Variants in ADAMTSL1 observed in about 807,000 individuals in gnomAD.
ADAMTSL1 encodes ADAMTS-like protein 1.
In ADAMTSL1, 126 loss-of-function variants were observed where a neutral mutation model predicts 201.8. That is an observed-to-expected ratio of 0.62 (90% CI 0.54 to 0.72). The LOEUF (loss-of-function observed/expected upper bound fraction) is 0.72, where lower values mean the gene tolerates loss of function less well. Among genes scored for constraint, ADAMTSL1 ranks in the 30% least tolerant of loss-of-function variants. The probability of loss-of-function intolerance (pLI) is 0.00; values close to 1 mark genes in which losing one functional copy is unlikely to be tolerated. For synonymous variants in ADAMTSL1, 1,121 were observed against 903.4 expected, an observed-to-expected ratio of 1.24 and a Z score of -4.32; for missense variants, 2,679 against 2,277.8, an observed-to-expected ratio of 1.18 and a Z score of -3.59.
intron 20 of ADAMTSL1, among the ~76,000 whole-genome samples, chr9:18,812,224 C>T (rs1823548291): frequency 6.6e-6 from 1 of 152,088 alleles, no homozygotes; most frequent in Non-Finnish European, 1.5e-5. Flanking sequence ...GGTAGAGGGA[C>T]AGACACATAG....
chr9:18,125,493 C>A (rs779497718), intron 1 of ADAMTSL1, among the ~76,000 whole-genome samples: 3 of 152,110 alleles, frequency 2.0e-5, no homozygotes, highest in Admixed American at 1.3e-4. Context: ...TCTAACAAAC[C>A]ATTACCTAAT....
chr9:17,965,568 A>C (rs1479044374), intron 1 of ADAMTSL1, among the ~76,000 whole-genome samples: 1 of 152,206 alleles, frequency 6.6e-6, no homozygotes, highest in African/African-American at 2.4e-5. Context: ...GAGACAAACC[A>C]AACCAACCAA....
rs146858054 is a variant in ADAMTSL1 at position 18,125,064 on chromosome 9, A to G, written c.88-38798A>G. Reference sequence around the variant, plus strand: ...ACAAAACAAATTTAATGAAAGTTGTATTAGTCCATTTTCACACTGCTGATA... The same window carrying G: ...ACAAAACAAATTTAATGAAAGTTGTGTTAGTCCATTTTCACACTGCTGATA... On this transcript the variant is annotated intron_variant, in intron 1 of 29. Transcript: ENST00000680146. Among the ~76,000 whole-genome samples the G allele has an allele frequency of 5.2e-3, 797 of 152,324 alleles. 8 individuals carry two copies. Among genetic ancestry groups the G allele is most frequent in the African/African-American group, 0.018 (752 of 41,578 alleles).
At chr9:18,158,496 C>T (rs1827251231) in intron 1 of ADAMTSL1, among the ~76,000 whole-genome samples, 1 of 151,878 alleles carries the variant, frequency 6.6e-6, no homozygotes, top group African/African-American at 2.4e-5. Context: ...GACATTTAAG[C>T]TCATTAGAAT....
intron 2 of ADAMTSL1, among the ~76,000 whole-genome samples, chr9:18,506,320 A>C (rs1338070134): frequency 6.6e-6 from 1 of 152,258 alleles, no homozygotes; most frequent in Non-Finnish European, 1.5e-5. Flanking sequence ...TTCATACATC[A>C]GTAAAGCCAA....
chr9:18,428,566 G>A (rs1038929048), intron 2 of ADAMTSL1, among the ~76,000 whole-genome samples: 1 of 152,068 alleles, frequency 6.6e-6, no homozygotes, highest in Non-Finnish European at 1.5e-5. Flanking sequence ...GCTACAGTGA[G>A]CTGTGATGAC....
chr9:18,866,585 A>G (rs1827553695), intron 23 of ADAMTSL1, among the ~76,000 whole-genome samples: 3 of 152,202 alleles, frequency 2.0e-5, no homozygotes, highest in Non-Finnish European at 4.4e-5. Context: ...ATGAACAGTC[A>G]TGCTTATTAG....
chr9:18,690,157 A>G (rs1172120213), intron 13 of ADAMTSL1, among the ~76,000 whole-genome samples: 4 of 152,224 alleles, frequency 2.6e-5, no homozygotes, highest in Non-Finnish European at 4.4e-5. Flanking sequence ...AGATGCATAT[A>G]GAAAAACCAA....
At chr9:17,937,210 T>C (rs1457316620) in intron 1 of ADAMTSL1, among the ~76,000 whole-genome samples, 2 of 152,202 alleles carry the variant, frequency 1.3e-5, no homozygotes, top group Non-Finnish European at 2.9e-5. Flanking sequence ...TGATGAAGGA[T>C]AATCGGAACA....
At chr9:18,313,185 A>C (rs1457896816) in intron 2 of ADAMTSL1, among the ~76,000 whole-genome samples, 1 of 152,182 alleles carries the variant, frequency 6.6e-6, no homozygotes, top group Non-Finnish European at 1.5e-5. Context: ...TGCATTTCTA[A>C]CTAGTTCTTA....
At chr9:18,843,394 C>A (rs10963799) in intron 23 of ADAMTSL1, among the ~76,000 whole-genome samples, 2 of 150,616 alleles carry the variant, frequency 1.3e-5, no homozygotes, top group South Asian at 4.1e-4. Flanking sequence ...GAGTTTCTGC[C>A]GAGAGATCCG....
At chr9:17,917,868 G>A (rs749831082) in intron 1 of ADAMTSL1, among the ~76,000 whole-genome samples, 3 of 151,874 alleles carry the variant, frequency 2.0e-5, no homozygotes, top group Non-Finnish European at 4.4e-5. Context: ...GGGGCTATTA[G>A]GGTTATCAAT....
At chr9:18,369,728 CAG>C (rs1586991946) in intron 2 of ADAMTSL1, among the ~76,000 whole-genome samples, 1 of 152,098 alleles carries the variant, frequency 6.6e-6, no homozygotes, top group South Asian at 2.1e-4. Flanking sequence ...TTCACAATAG[CAG>C]AGTCATGGAA....
chr9:18,032,321 C>G (rs1406193038), intron 1 of ADAMTSL1, among the ~76,000 whole-genome samples: 3 of 152,220 alleles, frequency 2.0e-5, no homozygotes, highest in Non-Finnish European at 4.4e-5. Flanking sequence ...GGGTAGTGTG[C>G]TCGAATCCTA....
At chr9:18,735,260 G>A (rs924352989) in intron 15 of ADAMTSL1, among the ~76,000 whole-genome samples, 4 of 152,310 alleles carry the variant, frequency 2.6e-5, no homozygotes, top group East Asian at 1.9e-4. Context: ...ATGACTTGCC[G>A]TCTCCCTCAG....
Position 18,777,582 on chromosome 9 carries a change from C to A in ADAMTSL1, c.3353C>A (p.Thr1118Lys), listed in dbSNP as rs201484419. ...IFRSHLEHQD[T>K]LLKPSERRTS... ...CGCAGCCACCTGGAGCACCAGGACA[C>A]GCTCCTGAAGCCCTCGGAGCGCAGG... The change falls in exon 19 of 29, where the codon ACG becomes AAG. Residue 1118 changes from threonine (T) to lysine (K), a missense_variant. Coordinates refer to ENST00000380548, the MANE Select transcript of ADAMTSL1 (RefSeq NM_001040272.6). 1.2e-6 allele frequency: 2 copies of A among 1,611,216 alleles called. No individual in the cohort carries two copies. The highest frequency in any genetic ancestry group is 2.2e-5 in the East Asian group (1 of 44,758).
At chr9:18,570,385 C>T (rs1822221667) in intron 3 of ADAMTSL1, among the ~76,000 whole-genome samples, 1 of 152,216 alleles carries the variant, frequency 6.6e-6, no homozygotes, top group Non-Finnish European at 1.5e-5. Flanking sequence ...ACAATGACTA[C>T]TTGAGTTTCC....
chr9:18,528,421 A>G (rs1040613770), intron 2 of ADAMTSL1, among the ~76,000 whole-genome samples: 1 of 152,016 alleles, frequency 6.6e-6, no homozygotes, highest in African/African-American at 2.4e-5. Flanking sequence ...TCACGTATAC[A>G]TGTGTTCTCA....
rs114901426 is a variant in ADAMTSL1, at chr9:18,057,511, C to T, written c.88-106351C>T. On this transcript the variant is annotated intron_variant, in intron 1 of 29. Transcript: ENST00000680146. ...CAGGGGGACTTGCAAATTTCCTTAC[C>T]CTAGCTGAGGGATATTTGTGACTAG... 2.9e-3 allele frequency among the ~76,000 whole-genome samples: 436 copies of T among 152,192 alleles called. 5 individuals carry two copies. The highest frequency in any genetic ancestry group is 0.01 in the African/African-American group (426 of 41,534).
Sources: allele counts gnomAD v4.1 joint callset (sites outside exome capture counted in the v4.1 genomes callset), GRCh38; gene constraint gnomAD v4.1.1; transcripts MANE v1.5; gene names NCBI Gene and HGNC (gene_info 2026-07-23, HGNC 2026-07-21).